The following TBC1D8 variants were observed in gnomAD, a reference collection of about 807,000 sequenced individuals.
The protein encoded by TBC1D8 is BUB2-like protein 1.
A neutral mutation model predicts 118.8 loss-of-function variants in TBC1D8; 65 were observed. The observed-to-expected ratio is 0.55, with a 90% confidence interval of 0.45 to 0.67. The LOEUF (loss-of-function observed/expected upper bound fraction) is 0.67, where lower values mean the gene tolerates loss of function less well. Ranked by LOEUF, TBC1D8 falls within the 30% of genes least tolerant of loss-of-function variation. The pLI is 0.00. For synonymous variants in TBC1D8, 566 were observed against 595.8 expected, an observed-to-expected ratio of 0.95 and a Z score of 0.73; for missense variants, 1,376 against 1,471.2, an observed-to-expected ratio of 0.94 and a Z score of 1.06.
intron 3 of TBC1D8, among the ~76,000 whole-genome samples, chr2:101,054,704 C>T (rs1416601213): frequency 1.8e-5 from 1 of 55,296 alleles, no homozygotes; most frequent in Non-Finnish European, 3.4e-5. Flanking sequence ...TTTTTGGAGA[C>T]GGAGTTTTGT....
intron 1 of TBC1D8, among the ~76,000 whole-genome samples, chr2:101,101,811 C>T (rs1220708766): frequency 6.6e-6 from 1 of 152,070 alleles, no homozygotes; most frequent in African/African-American, 2.4e-5. Flanking sequence ...AATCAAACAC[C>T]TCCTGTTCTC....
rs1490246801 is a variant in TBC1D8, at chr2:101,149,503, T to C, written c.127+1624A>G. Reference sequence around the variant, plus strand: ...AGCAGCGAGCAGAGTATCCTACATATGTGCACGGAACTCAGTGAATGAATG... The same window carrying C: ...AGCAGCGAGCAGAGTATCCTACATACGTGCACGGAACTCAGTGAATGAATG... On this transcript the variant is annotated intron_variant, in intron 1 of 19. Coordinates refer to ENST00000409318, the MANE Select transcript of TBC1D8 (RefSeq NM_001330348.2). 3.3e-5 allele frequency among the ~76,000 whole-genome samples: 5 copies of C among 152,208 alleles called. No homozygotes were observed. In the East Asian group the frequency reaches 9.6e-4, roughly 29 times the overall value.
chr2:101,051,251 A>G (rs1682055680), intron 4 of TBC1D8, among the ~76,000 whole-genome samples: 1 of 152,168 alleles, frequency 6.6e-6, no homozygotes. Flanking sequence ...TAGACGATTT[A>G]TATTCCTTTG....
chr2:101,112,500 C>G (rs1677652194), intron 1 of TBC1D8, among the ~76,000 whole-genome samples: 1 of 152,206 alleles, frequency 6.6e-6, no homozygotes, highest in South Asian at 2.1e-4. Flanking sequence ...GCTTTAAGAT[C>G]TGATACAGTC....
intron 1 of TBC1D8, among the ~76,000 whole-genome samples, chr2:101,095,322 A>T (rs1676330733): frequency 7.0e-6 from 1 of 143,792 alleles, no homozygotes; most frequent in South Asian, 2.2e-4. Flanking sequence ...ACATATGTAT[A>T]CATGTGCCAT....
chr2:101,137,318 C>T (rs1678899108), intron 1 of TBC1D8, among the ~76,000 whole-genome samples: 1 of 147,958 alleles, frequency 6.8e-6, no homozygotes, highest in Non-Finnish European at 1.5e-5. Flanking sequence ...CAGGCGTGAG[C>T]CACCACGTTT....
chr2:101,022,654 ACCCT>A (rs1680109504), intron 15 of TBC1D8, 133 bp from the exon 16 acceptor site: 1 of 1,317,882 alleles, frequency 7.6e-7, no homozygotes, highest in Non-Finnish European at 1.0e-6. Context: ...TTCCCTTGTT[ACCCT>A]GACATCCTTA....
In TBC1D8 at chr2:101,032,395, G is replaced by A. The variant is rs759750885; in HGVS notation, c.1819-10C>T. 3 of 1,609,222 alleles carry A rather than the reference G, an allele frequency of 1.9e-6. No homozygotes were observed. In the African/African-American group the frequency reaches 4.0e-5, roughly 22 times the overall value. ...TCAGGATGTTCATGGACTGCTCGGG[G>A]GTCAAGGAGGGCAGTTACTGACTGG... On this transcript the variant is annotated splice_polypyrimidine_tract_variant and intron_variant, in intron 10 of 19. Coordinates refer to ENST00000409318, the MANE Select transcript of TBC1D8 (RefSeq NM_001330348.2).
rs1680722735 is a variant in TBC1D8, at chr2:101,032,404, G to A, written c.1819-19C>T. ...TCATGGACTGCTCGGGGGTCAAGGA[G>A]GGCAGTTACTGACTGGCCCATGTGA... On this transcript the variant is annotated intron_variant, in intron 10 of 19. Transcript: ENST00000409318. 4 of 1,603,964 alleles carry A rather than the reference G, an allele frequency of 2.5e-6. No individual in the cohort carries two copies. Among genetic ancestry groups the A allele is most frequent in the East Asian group, 4.5e-5 (2 of 44,738 alleles).
chr2:101,134,253 T>A (rs1041684304), intron 1 of TBC1D8, among the ~76,000 whole-genome samples: 8 of 150,886 alleles, frequency 5.3e-5, no homozygotes, highest in Non-Finnish European at 7.4e-5. Flanking sequence ...TAATGATCTT[T>A]CTGGTATAAA....
intron 15 of TBC1D8, among the ~76,000 whole-genome samples, chr2:101,023,387 C>G (rs1009969326): frequency 1.3e-5 from 2 of 152,030 alleles, no homozygotes; most frequent in Non-Finnish European, 1.5e-5. Flanking sequence ...CTTGGGTGAT[C>G]CACTCGCCTT....
chr2:101,065,514 A>T (rs1178076979), intron 2 of TBC1D8, among the ~76,000 whole-genome samples: 1 of 152,236 alleles, frequency 6.6e-6, no homozygotes, highest in East Asian at 1.9e-4. Flanking sequence ...ATTTTCAGAG[A>T]GCTGACATTC....
chr2:101,009,080 A>G (rs748139562), intron 19 of TBC1D8, among the ~76,000 whole-genome samples: 2 of 152,066 alleles, frequency 1.3e-5, no homozygotes, highest in Non-Finnish European at 2.9e-5. Context: ...TAGCTACACA[A>G]TTACTCCAAG....
intron 17 of TBC1D8, chr2:101,018,331 GTTCA>G (rs59075785): frequency 0.24 from 38,328 of 157,562 alleles, 5,487 homozygotes; most frequent in South Asian, 0.37. Context: ...TATCAATTAA[GTTCA>G]TTCAGGTTTT....
At chr2:101,036,779 T>C (rs1044398283) in intron 8 of TBC1D8, among the ~76,000 whole-genome samples, 2 of 152,252 alleles carry the variant, frequency 1.3e-5, no homozygotes, top group Non-Finnish European at 2.9e-5. Flanking sequence ...TTACATTTGC[T>C]TTTAATTATC....
chr2:101,067,483 C>G (rs773268119), intron 2 of TBC1D8, among the ~76,000 whole-genome samples: 1 of 152,198 alleles, frequency 6.6e-6, no homozygotes, highest in Non-Finnish European at 1.5e-5. Context: ...AAGTGAGTCA[C>G]TCGCAGGTTT....
intron 1 of TBC1D8, among the ~76,000 whole-genome samples, chr2:101,125,029 C>T (rs996764991): frequency 3.3e-5 from 5 of 152,174 alleles, no homozygotes; most frequent in Admixed American, 6.5e-5. Flanking sequence ...TGTGTGAATC[C>T]ATTTCCTCTG....
intron 1 of TBC1D8, among the ~76,000 whole-genome samples, chr2:101,138,438 A>G (rs1171271438): frequency 6.6e-6 from 1 of 152,088 alleles, no homozygotes; most frequent in African/African-American, 2.4e-5. Flanking sequence ...GACACTAACT[A>G]CCTGGAATTA....
chr2:101,008,569 CTG>C (rs1289308189), intron 19 of TBC1D8, among the ~76,000 whole-genome samples: 1 of 152,128 alleles, frequency 6.6e-6, no homozygotes, highest in Admixed American at 6.5e-5. Flanking sequence ...AATCCCAGCA[CTG>C]TGGGAGGCCG....
Sources: gnomAD v4.1 joint callset for allele counts (sites outside exome capture counted in the v4.1 genomes callset) on GRCh38, gnomAD v4.1.1 for gene constraint, MANE v1.5 for transcripts, NCBI Gene and HGNC (gene_info 2026-07-23, HGNC 2026-07-21) for gene names.